Variants in PDE4D observed in about 807,000 individuals in gnomAD.
The protein encoded by PDE4D is phosphodiesterase 4D, also known as 3',5'-cyclic-AMP phosphodiesterase 4D.
A neutral mutation model predicts 87.4 loss-of-function variants in PDE4D; 24 were observed. The observed-to-expected ratio is 0.27, with a 90% CI of 0.20 to 0.39. The LOEUF is 0.39. Ranked by LOEUF, PDE4D falls within the 10% of genes least tolerant of loss-of-function variation. PDE4D has a pLI of 1.00. For missense variants in PDE4D, 714 were observed against 1,041.0 expected (o/e 0.69, Z 4.32); for synonymous variants, 384 against 383.2 (o/e 1.00, Z -0.02).
chr5:60,095,918 C>T (rs1775630879), intron 2 of PDE4D, among the ~76,000 whole-genome samples: 1 of 152,022 alleles, frequency 6.6e-6, no homozygotes, highest in Admixed American at 6.6e-5. Context: ...TTATATCCTT[C>T]ACCCTCTTTT....
intron 1 of PDE4D, among the ~76,000 whole-genome samples, chr5:59,478,579 T>G (rs1170669179): frequency 2.6e-5 from 4 of 152,120 alleles, no homozygotes; most frequent in Admixed American, 2.6e-4. Context: ...TTTAAATATC[T>G]TAATTAGTTT....
intron 1 of PDE4D, among the ~76,000 whole-genome samples, chr5:59,879,772 GCT>G (rs1166490473): frequency 1.3e-5 from 2 of 152,116 alleles, no homozygotes; most frequent in Non-Finnish European, 2.9e-5. Context: ...CGAAAGTCTC[GCT>G]CTGTCACCCA....
chr5:59,132,845 ATGT>A (rs1188443628), intron 5 of PDE4D, among the ~76,000 whole-genome samples: 1 of 152,214 alleles, frequency 6.6e-6, no homozygotes. Flanking sequence ...AGAAATGATC[ATGT>A]TGTTGAATGT....
intron 1 of PDE4D, among the ~76,000 whole-genome samples, chr5:59,762,279 TAC>T: frequency 6.7e-6 from 1 of 149,184 alleles, no homozygotes; most frequent in Non-Finnish European, 1.5e-5. Flanking sequence ...TGTATATGGG[TAC>T]ACATATGCGT....
At position 59,444,571 on chromosome 5, in the gene PDE4D, G is replaced by A. The variant is rs370340592; in HGVS notation, c.456-228603C>T. ...CTCACGCCTGTAATCTCAGCACTTT[G>A]GGAGGCCGAGGCGGGCGGATCACGA... On this transcript the variant is annotated intron_variant, in intron 1 of 14. Coordinates refer to ENST00000340635, the MANE Select transcript of PDE4D (RefSeq NM_001104631.2). 1.4e-3 allele frequency among the ~76,000 whole-genome samples: 207 copies of A among 152,276 alleles called. 3 individuals are homozygous for A. The highest frequency in any genetic ancestry group is 4.7e-3 in the African/African-American group (194 of 41,546).
intron 1 of PDE4D, among the ~76,000 whole-genome samples, chr5:60,282,656 A>C (rs578004128): frequency 1.6e-4 from 24 of 152,236 alleles, no homozygotes; most frequent in African/African-American, 5.8e-4. Flanking sequence ...GGATTATTCC[A>C]TTTGGAGATC....
chr5:59,685,318 C>A (rs1274127563), intron 1 of PDE4D, among the ~76,000 whole-genome samples: 3 of 152,158 alleles, frequency 2.0e-5, no homozygotes, highest in African/African-American at 7.2e-5. Context: ...GATTTAAGAT[C>A]ATTTCTTCCA....
chr5:60,311,167 C>G (rs59353682), intron 1 of PDE4D, among the ~76,000 whole-genome samples: 13,435 of 152,244 alleles, frequency 0.088, 1,956 homozygotes, highest in African/African-American at 0.31. Context: ...CAGGCATGTG[C>G]CACCACGCCT....
chr5:59,876,887 G>A (rs1748680430), intron 1 of PDE4D, among the ~76,000 whole-genome samples: 2 of 151,916 alleles, frequency 1.3e-5, no homozygotes, highest in South Asian at 2.1e-4. Flanking sequence ...TAAGATGAAG[G>A]GAAAGGAAAA....
intron 1 of PDE4D, among the ~76,000 whole-genome samples, chr5:59,580,437 T>G (rs1480933228): frequency 6.6e-6 from 1 of 152,166 alleles, no homozygotes; most frequent in Non-Finnish European, 1.5e-5. Context: ...ACAAGAGATT[T>G]TGGCATGTCA....
At chr5:60,287,449 GCT>G (rs1562290744) in intron 1 of PDE4D, among the ~76,000 whole-genome samples, 7 of 152,190 alleles carry the variant, frequency 4.6e-5, no homozygotes, top group Non-Finnish European at 8.8e-5. Flanking sequence ...CTGCGGGAAG[GCT>G]CTTCAAAGAC....
chr5:60,107,121 A>G (rs1376804155), intron 2 of PDE4D, among the ~76,000 whole-genome samples: 3 of 152,212 alleles, frequency 2.0e-5, no homozygotes, highest in Non-Finnish European at 4.4e-5. Flanking sequence ...CAAGACTAAT[A>G]AAGAAAAAAA....
chr5:59,875,460 CAAAAAAAAAAAAAAA>C (rs3062667), intron 1 of PDE4D, among the ~76,000 whole-genome samples: 7 of 39,688 alleles, frequency 1.8e-4, no homozygotes, highest in Admixed American at 8.6e-4. Context: ...ACCTCCGTCT[CAAAAAAAAAAAAAAA>C]AAAAAAAAAA....
intron 1 of PDE4D, among the ~76,000 whole-genome samples, chr5:59,339,920 GTTTT>G (rs1173881464): frequency 6.6e-6 from 1 of 151,156 alleles, no homozygotes; most frequent in Non-Finnish European, 1.5e-5. Context: ...AATTTAGTGG[GTTTT>G]TTTGTTGTTT....
At chr5:59,077,021 T>C (rs80194223) in intron 5 of PDE4D, among the ~76,000 whole-genome samples, 2,187 of 152,300 alleles carry the variant, frequency 0.014, 64 homozygotes, top group African/African-American at 0.05. Context: ...GTGGTGTTAA[T>C]AGCCAGAATT....
At chr5:59,048,394 T>C (rs1368741557) in intron 5 of PDE4D, among the ~76,000 whole-genome samples, 1 of 152,272 alleles carries the variant, frequency 6.6e-6, no homozygotes, top group Admixed American at 6.5e-5. Context: ...TGTCAATTAC[T>C]GCATACAGTA....
intron 1 of PDE4D, among the ~76,000 whole-genome samples, chr5:59,576,434 A>T (rs973531907): frequency 1.3e-5 from 2 of 151,824 alleles, no homozygotes; most frequent in African/African-American, 2.4e-5. Flanking sequence ...ATCTCAAAAC[A>T]TAGCACAATA....
At chr5:59,362,868 CAT>C (rs1348419253) in intron 1 of PDE4D, among the ~76,000 whole-genome samples, 1 of 152,168 alleles carries the variant, frequency 6.6e-6, no homozygotes, top group Non-Finnish European at 1.5e-5. Context: ...ATAAAAATCT[CAT>C]GTGCTAAATT....
At chr5:59,886,672 A>G (rs1374763670) in intron 1 of PDE4D, among the ~76,000 whole-genome samples, 1 of 152,098 alleles carries the variant, frequency 6.6e-6, no homozygotes, top group African/African-American at 2.4e-5. Flanking sequence ...AAAGCAATCT[A>G]GAAGGAAGAA....
Sources: gnomAD v4.1 joint callset for allele counts (sites outside exome capture counted in the v4.1 genomes callset) on GRCh38, gnomAD v4.1.1 for gene constraint, MANE v1.5 for transcripts, NCBI Gene and HGNC (gene_info 2026-07-23, HGNC 2026-07-21) for gene names.